ZNF462: variants seen among roughly 807,000 people sequenced by gnomAD.
ZNF462 encodes zinc finger protein 462, also known as zinc finger PBX1-interacting protein.
ZNF462 carries 10 observed loss-of-function variants against 201.9 expected under a neutral mutation model. That is an observed-to-expected ratio of 0.05 (90% confidence interval 0.03 to 0.08). ZNF462 has a LOEUF of 0.08. Ranked by LOEUF, ZNF462 falls within the 10% of genes least tolerant of loss-of-function variation. ZNF462 has a pLI of 1.00. For synonymous variants in ZNF462, 1,227 were observed against 1,193.3 expected, an observed-to-expected ratio of 1.03 and a Z score of -0.58; for missense variants, 2,523 against 3,168.3, an observed-to-expected ratio of 0.80 and a Z score of 4.89.
In ZNF462 at chr9:106,966,127, G is replaced by T. The variant is rs1046853712; in HGVS notation, c.6428-5878G>T. On this transcript the variant is annotated intron_variant, in intron 7 of 12. Coordinates refer to ENST00000277225, the MANE Select transcript of ZNF462 (RefSeq NM_021224.6). This position sits in a 1 kb window ranked among gnomAD's most constrained non-coding sequence, Gnocchi z 4.4. Reference sequence around the variant, plus strand: ...TGGCCCATGCTACCAACCATTAGTTGCTAAATAGTCTGCTTTTCAGAAGAA... The same window carrying T: ...TGGCCCATGCTACCAACCATTAGTTTCTAAATAGTCTGCTTTTCAGAAGAA... Among the ~76,000 whole-genome samples the T allele has an allele frequency of 3.9e-5, 6 of 151,990 alleles. No homozygotes were observed. The East Asian group carries it at 9.6e-4, about 24-fold the overall frequency.
At position 106,925,829 on chromosome 9, in the gene ZNF462, A is replaced by G; in HGVS notation, c.1917A>G (p.Leu639=). ...AATTCGAGGGGCAGCCCTCAAGCCT[A>G]CCATTGGAAAATGAGACAGACAGCC... ...LPKFEGQPSS[L]PLENETDSHP... is the part of the protein sequence containing the mutation. The change falls in exon 3 of 13, where the codon CTA becomes CTG. Residue 639 remains leucine (L), a synonymous_variant. Coordinates refer to ENST00000277225, the MANE Select transcript of ZNF462 (RefSeq NM_021224.6). This position sits in a 1 kb window ranked among gnomAD's most constrained non-coding sequence, Gnocchi z 7.9. 2 of 1,614,174 alleles carry G rather than the reference A, an allele frequency of 1.2e-6. No homozygotes were observed. The highest frequency in any genetic ancestry group is 1.3e-5 in the African/African-American group (1 of 75,040).
At position 106,880,381 on chromosome 9, in the gene ZNF462, TA is replaced by T. The variant is rs2130926891; in HGVS notation, c.-31+17027del. 6.6e-6 allele frequency among the ~76,000 whole-genome samples: 1 copy of T among 152,348 alleles called. No homozygotes were observed. Among genetic ancestry groups the T allele is most frequent in the East Asian group, 1.9e-4 (1 of 5,194 alleles). ...AATGAATTCCTTCTTTCAGCTACCT[TA>T]CCACTTGTTTTCCATAGTTGAGAAA... On this transcript the variant is annotated intron_variant, in intron 1 of 12. Transcript: ENST00000277225. This position sits in a 1 kb window ranked among gnomAD's most constrained non-coding sequence, Gnocchi z 4.1.
At chr9:106,961,430 TG>T (rs1831833415) in intron 7 of ZNF462, among the ~76,000 whole-genome samples, 1 of 152,110 alleles carries the variant, frequency 6.6e-6, no homozygotes, top group Admixed American at 6.6e-5. Context: ...AGTGTTTCAG[TG>T]GGAAGACTCT....
chr9:106,990,484 T>A (rs1828183657), intron 10 of ZNF462, among the ~76,000 whole-genome samples: 1 of 152,086 alleles, frequency 6.6e-6, no homozygotes, highest in South Asian at 2.1e-4. Flanking sequence ...TGACTTTCTG[T>A]CTTGATGACC....
Position 106,930,702 on chromosome 9 carries a change from A to G in ZNF462, c.6012+13A>G. On this transcript the variant is annotated intron_variant, in intron 4 of 12. Transcript: ENST00000277225. The surrounding 1 kb of genome is among the most constrained non-coding windows in gnomAD (Gnocchi z 5.8). ...AGCTGCTGTGAAGGTGAGAACTGGA[A>G]GGTCTGGATGAGCATTGTGTGTGAG... 6.2e-7 allele frequency: 1 copy of G among 1,613,842 alleles called. No homozygotes were observed. Among genetic ancestry groups the G allele is most frequent in the Non-Finnish European group, 8.5e-7 (1 of 1,179,926 alleles).
chr9:106,979,821 G>A (rs989346147), intron 9 of ZNF462, among the ~76,000 whole-genome samples: 9 of 152,164 alleles, frequency 5.9e-5, no homozygotes, highest in African/African-American at 1.9e-4. Context: ...TTTTAGGGAT[G>A]AAACACAGTT....
In ZNF462 at chr9:106,966,301, A is replaced by T. The variant is rs1037226098; in HGVS notation, c.6428-5704A>T. Among the ~76,000 whole-genome samples the T allele has an allele frequency of 6.6e-6, 1 of 151,702 alleles. No individual in the cohort carries two copies. Among genetic ancestry groups the T allele is most frequent in the East Asian group, 1.9e-4 (1 of 5,160 alleles). On this transcript the variant is annotated intron_variant, in intron 7 of 12. Coordinates refer to ENST00000277225, the MANE Select transcript of ZNF462 (RefSeq NM_021224.6). This position sits in a 1 kb window ranked among gnomAD's most constrained non-coding sequence, Gnocchi z 4.4. ...TTCTTTACCCTAGGGAAATTAAGTCATTTTTTTTCATTGTGATAATAATGT... is the reference window on the plus strand; with the variant it reads ...TTCTTTACCCTAGGGAAATTAAGTCTTTTTTTTTCATTGTGATAATAATGT...
At chr9:106,896,338 T>A in intron 1 of ZNF462, among the ~76,000 whole-genome samples, 1 of 152,224 alleles carries the variant, frequency 6.6e-6, no homozygotes, top group Non-Finnish European at 1.5e-5. Context: ...CGAAAATGAT[T>A]TTTTTAAAAA....
chr9:106,916,395 T>A (rs1457555755), intron 1 of ZNF462, among the ~76,000 whole-genome samples: 1 of 152,204 alleles, frequency 6.6e-6, no homozygotes, highest in African/African-American at 2.4e-5. Flanking sequence ...TGCGTCTTAA[T>A]CAGTTCTGTA....
chr9:106,890,408 C>T lies in ZNF462; in HGVS notation c.-31+27053C>T, dbSNP rs1828524074. 2.6e-5 allele frequency among the ~76,000 whole-genome samples: 4 copies of T among 152,182 alleles called. No homozygotes were observed. Among genetic ancestry groups the T allele is most frequent in the Admixed American group, 1.3e-4 (2 of 15,282 alleles). On this transcript the variant is annotated intron_variant, in intron 1 of 12. Coordinates refer to ENST00000277225, the MANE Select transcript of ZNF462 (RefSeq NM_021224.6). The surrounding 1 kb of genome is among the most constrained non-coding windows in gnomAD (Gnocchi z 4.2). ...CATTGTCGGGAGAATTCCTTCATTT[C>T]CTTCTGGAGTCCTTTTTGGGCATAC...
At chr9:106,960,507 G>T (rs773311678) in intron 7 of ZNF462, among the ~76,000 whole-genome samples, 3 of 151,984 alleles carry the variant, frequency 2.0e-5, no homozygotes, top group Non-Finnish European at 4.4e-5. Context: ...TTTTCAGTGT[G>T]GTAAAGACAT....
chr9:106,992,401 G>C (rs1268098826), intron 10 of ZNF462, among the ~76,000 whole-genome samples: 2 of 152,078 alleles, frequency 1.3e-5, no homozygotes, highest in Non-Finnish European at 2.9e-5. Context: ...TGATTGGAAT[G>C]TAAAATACCA....
chr9:106,879,588 A>T (rs188681361), intron 1 of ZNF462, among the ~76,000 whole-genome samples: 35 of 152,090 alleles, frequency 2.3e-4, no homozygotes, highest in African/African-American at 7.5e-4. Flanking sequence ...TTGAGATGGA[A>T]TCCCATTGTA....
rs1202338353 is a variant in ZNF462, at chr9:106,938,450, A to G, written c.6236-466A>G. ...AATAGAATAGCACAACAGAGCTTGC[A>G]CTGAATGACTTTGTGATTAAAAAGC... On this transcript the variant is annotated intron_variant, in intron 6 of 12. Coordinates refer to ENST00000277225, the MANE Select transcript of ZNF462 (RefSeq NM_021224.6). This position sits in a 1 kb window ranked among gnomAD's most constrained non-coding sequence, Gnocchi z 4.4. 6.6e-6 allele frequency among the ~76,000 whole-genome samples: 1 copy of G among 152,234 alleles called. No individual in the cohort carries two copies. Among genetic ancestry groups the G allele is most frequent in the Non-Finnish European group, 1.5e-5 (1 of 68,042 alleles).
intron 1 of ZNF462, among the ~76,000 whole-genome samples, chr9:106,869,476 C>A (rs1827494206): frequency 6.6e-6 from 1 of 152,168 alleles, no homozygotes. Flanking sequence ...CTTGGATGAG[C>A]AAAAGTGATT....
rs1828050620 is a variant in ZNF462 at position 106,880,641 on chromosome 9, A to AT, written c.-31+17291dup. 6.6e-6 allele frequency among the ~76,000 whole-genome samples: 1 copy of AT among 152,208 alleles called. No individual in the cohort carries two copies. ...ATAGAAAGAGTGGTTGTTGGGATAT[A>AT]TTTTTATTAATGGTTTAAGTTGGGC... is the stretch of plus-strand genomic sequence containing the variant. On this transcript the variant is annotated intron_variant, in intron 1 of 12. Transcript: ENST00000277225. This position sits in a 1 kb window ranked among gnomAD's most constrained non-coding sequence, Gnocchi z 4.1.
rs1008587054 is a variant in ZNF462, at chr9:107,003,210, T to C, written c.7057-84T>C. ...TTGCAAAACCACAGTCACAGGAAAATGATGTTAGAAAGATCTCTCCATCAG... is the reference window on the plus strand; with the variant it reads ...TTGCAAAACCACAGTCACAGGAAAACGATGTTAGAAAGATCTCTCCATCAG... On this transcript the variant is annotated intron_variant, in intron 10 of 12. Coordinates refer to ENST00000277225, the MANE Select transcript of ZNF462 (RefSeq NM_021224.6). This position sits in a 1 kb window ranked among gnomAD's most constrained non-coding sequence, Gnocchi z 4.4. 5.3e-5 allele frequency: 81 copies of C among 1,540,592 alleles called. No homozygotes were observed. In the Middle Eastern group the frequency reaches 1.0e-3, roughly 20 times the overall value.
At position 107,010,910 on chromosome 9, in the gene ZNF462, G is replaced by T; in HGVS notation, c.7401G>T (p.Glu2467Asp). The T allele has an allele frequency of 6.2e-7, 1 of 1,613,710 alleles. No homozygotes were observed. Residue 2467 changes from glutamate (E) to aspartate (D), a missense_variant, in exon 13 of 13, where the codon GAG becomes GAT. Physicochemically the swap from Glu to Asp is conservative, Grantham distance 45 (BLOSUM62 2). Transcript: ENST00000277225. The surrounding 1 kb of genome is among the most constrained non-coding windows in gnomAD (Gnocchi z 4.6). ...ACAGTGTTAAAATGCCCTCCATAGA[G>T]GAAAAGGAAGATGACGAGGCCATTG... ...MENSVKMPSIEEKEDDEAIGI... is the reference protein window; with the variant it reads ...MENSVKMPSIDEKEDDEAIGI...
chr9:106,937,178 C>T (rs1446516785), intron 6 of ZNF462, among the ~76,000 whole-genome samples: 1 of 151,806 alleles, frequency 6.6e-6, no homozygotes, highest in Non-Finnish European at 1.5e-5. Flanking sequence ...AACTCACAGC[C>T]ACCAGCAATA....
Sources: allele counts gnomAD v4.1 joint callset (sites outside exome capture counted in the v4.1 genomes callset), GRCh38; gene constraint gnomAD v4.1.1; non-coding constraint Gnocchi (gnomAD v3.1); transcripts MANE v1.5; gene names NCBI Gene and HGNC (gene_info 2026-07-23, HGNC 2026-07-21).